The following DYNC2H1 variants were observed in gnomAD, a reference collection of about 807,000 sequenced individuals.
The protein encoded by DYNC2H1 is cytoplasmic dynein 2 heavy chain 1.
Under a neutral mutation model 570.0 loss-of-function variants are expected in DYNC2H1, and 410 were observed. The observed-to-expected ratio is 0.72, with a 90% CI of 0.66 to 0.78. The LOEUF (loss-of-function observed/expected upper bound fraction) is 0.78. DYNC2H1 is among the 30% of genes least tolerant of loss of function. DYNC2H1 has a pLI of 0.00. For missense variants in DYNC2H1, 4,865 were observed against 5,046.4 expected (o/e 0.96, Z 1.09); for synonymous variants, 1,688 against 1,677.6 (o/e 1.01, Z -0.15).
chr11:103,155,789 A>T (rs1468853044), intron 25 of DYNC2H1, among the ~76,000 whole-genome samples: 1 of 152,208 alleles, frequency 6.6e-6, no homozygotes, highest in African/African-American at 2.4e-5. Context: ...AATTTATTAC[A>T]AGTGACAGAC....
Position 103,201,019 on chromosome 11 carries a change from G to T in DYNC2H1, c.8197+865G>T, listed in dbSNP as rs373244889. On this transcript the variant is annotated intron_variant, in intron 50 of 88. Transcript: ENST00000375735. This position sits in a 1 kb window ranked among gnomAD's most constrained non-coding sequence, Gnocchi z 4.8. ...TTTTTGTAATTTTAGTAGAAACAGG[G>T]TTTCACCATGTTGGCCAGGATGGTC... Among the ~76,000 whole-genome samples, 35 of 152,158 alleles carry T rather than the reference G, an allele frequency of 2.3e-4. 1 individual carries two copies. The East Asian group carries it at 6.0e-3, about 26-fold the overall frequency.
In DYNC2H1 at chr11:103,201,027, A is replaced by G. The variant is rs1862698865; in HGVS notation, c.8197+873A>G. Among the ~76,000 whole-genome samples the G allele has an allele frequency of 6.6e-6, 1 of 152,080 alleles. No homozygotes were observed. The highest frequency in any genetic ancestry group is 2.4e-5 in the African/African-American group (1 of 41,408). ...ATTTTAGTAGAAACAGGGTTTCACCATGTTGGCCAGGATGGTCTCGAACTC... is the reference window on the plus strand; with the variant it reads ...ATTTTAGTAGAAACAGGGTTTCACCGTGTTGGCCAGGATGGTCTCGAACTC... On this transcript the variant is annotated intron_variant, in intron 50 of 88. Transcript: ENST00000375735. The surrounding 1 kb of genome is among the most constrained non-coding windows in gnomAD (Gnocchi z 4.8).
At chr11:103,193,331 A>T (rs1014254303) in intron 47 of DYNC2H1, among the ~76,000 whole-genome samples, 4 of 152,162 alleles carry the variant, frequency 2.6e-5, no homozygotes, top group African/African-American at 9.7e-5. Flanking sequence ...TATCTTTCTC[A>T]GTCTGAAAAT....
In DYNC2H1 at chr11:103,122,914, C is replaced by T; in HGVS notation, c.1575C>T (p.Asp525=). The T allele has an allele frequency of 6.2e-7, 1 of 1,612,550 alleles. No homozygotes were observed. The highest frequency in any genetic ancestry group is 8.5e-7 in the Non-Finnish European group (1 of 1,179,212). ...ATCAAAGTGCCAAAGATCTCTTAGA[C>T]CAGCTTAAACTATATGAACAGGAAC... ...CFHQSAKDLL[D]QLKLYEQEQF... The change falls in exon 11 of 89, where the codon GAC becomes GAT. Residue 525 remains aspartate, a synonymous_variant. Transcript: ENST00000375735.
chr11:103,373,310 G>T (rs1430881), intron 83 of DYNC2H1, among the ~76,000 whole-genome samples: 146,904 of 152,210 alleles, frequency 0.97, 71,116 homozygotes, highest in Middle Eastern at 1. Flanking sequence ...TGCTATCAGT[G>T]TGTTGGCATA....
intron 30 of DYNC2H1, among the ~76,000 whole-genome samples, chr11:103,164,127 C>A (rs538397066): frequency 6.6e-6 from 1 of 152,154 alleles, no homozygotes; most frequent in Non-Finnish European, 1.5e-5. Flanking sequence ...TCCTAGTACT[C>A]TGTCAACTTC....
intron 82 of DYNC2H1, among the ~76,000 whole-genome samples, chr11:103,357,388 A>G (rs1370918595): frequency 1.3e-5 from 2 of 152,182 alleles, no homozygotes; most frequent in Non-Finnish European, 2.9e-5. Context: ...CCTTGTATGT[A>G]GAGGAAACAT....
rs544367087 is a variant in DYNC2H1, at chr11:103,221,255, C to G, written c.9107+472C>G. On this transcript the variant is annotated intron_variant, in intron 57 of 88. Transcript: ENST00000375735. ...GGTATTAACAAAATATGAAACCATG[C>G]AGGTTCAGGTTTCATGTTATAATAG... 4.6e-5 allele frequency among the ~76,000 whole-genome samples: 7 copies of G among 152,092 alleles called. No homozygotes were observed. The South Asian group carries it at 1.5e-3, about 32-fold the overall frequency.
In DYNC2H1 at chr11:103,243,288, GATAGATAGATAGATAGATAA is replaced by G. The variant is rs1248626258; in HGVS notation, c.9820-399_9820-380del. On this transcript the variant is annotated intron_variant, in intron 63 of 88. Transcript: ENST00000375735. The surrounding 1 kb of genome is among the most constrained non-coding windows in gnomAD (Gnocchi z 4.8). ...AGATAGATAGATAGATAGATAGATAGATAGATAGATAGATAGATAAATAGAGAATAATTTGACTGTGTATT... is the reference window on the plus strand; with the variant it reads ...AGATAGATAGATAGATAGATAGATAGATAGAGAATAATTTGACTGTGTATT... Among the ~76,000 whole-genome samples the G allele has an allele frequency of 5.8e-3, 818 of 141,744 alleles. 4 individuals are homozygous for G. Among genetic ancestry groups the G allele is most frequent in the Admixed American group, 0.012 (170 of 14,484 alleles). The allele number at this position is 141,744 out of a possible 152,430, so 93.0% of individuals were successfully genotyped here. A position where few individuals can be genotyped will look rare whatever the true frequency, so the allele number is the denominator to read the frequency against.
chr11:103,126,989 A>G (rs1002080742), intron 12 of DYNC2H1, among the ~76,000 whole-genome samples: 6 of 152,334 alleles, frequency 3.9e-5, no homozygotes, highest in African/African-American at 1.2e-4. Context: ...TTAATGTATT[A>G]TAAGTACTAT....
At chr11:103,124,551 A>T (rs1008651370) in intron 11 of DYNC2H1, among the ~76,000 whole-genome samples, 7 of 152,006 alleles carry the variant, frequency 4.6e-5, no homozygotes, top group African/African-American at 1.7e-4. Flanking sequence ...CATTTTTACA[A>T]TCCATTCTGA....
chr11:103,151,414 G>C lies in DYNC2H1; in HGVS notation c.2947-722G>C, dbSNP rs1860530802. Among the ~76,000 whole-genome samples the C allele has an allele frequency of 6.6e-6, 1 of 152,068 alleles. No individual in the cohort carries two copies. The highest frequency in any genetic ancestry group is 1.5e-5 in the Non-Finnish European group (1 of 68,018). ...CAGTTATATTTGAATTTCCTTTGTT[G>C]TCTGTTTTATTATATATGCATACTG... On this transcript the variant is annotated intron_variant, in intron 20 of 88. Transcript: ENST00000375735. The surrounding 1 kb of genome is among the most constrained non-coding windows in gnomAD (Gnocchi z 4.6).
intron 43 of DYNC2H1, 27 bp from the exon 44 acceptor site, chr11:103,188,469 CG>C: frequency 6.8e-7 from 1 of 1,469,636 alleles, no homozygotes; most frequent in East Asian, 2.4e-5. Context: ...AGATAAAAAA[CG>C]TTTAAAATAT....
intron 85 of DYNC2H1, among the ~76,000 whole-genome samples, chr11:103,442,622 C>T (rs927816917): frequency 7.9e-5 from 12 of 152,040 alleles, no homozygotes; most frequent in Admixed American, 2.6e-4. Context: ...ACAAAACATG[C>T]TATTTGTACT....
At chr11:103,136,912 G>A (rs1159079423) in intron 17 of DYNC2H1, among the ~76,000 whole-genome samples, 2 of 151,566 alleles carry the variant, frequency 1.3e-5, no homozygotes, top group South Asian at 2.1e-4. Flanking sequence ...TTTAATGATT[G>A]CCATTCTAAC....
chr11:103,338,166 A>ACCCC (rs60405160), intron 82 of DYNC2H1, among the ~76,000 whole-genome samples: 32,788 of 151,930 alleles, frequency 0.22, 3,624 homozygotes, highest in Admixed American at 0.31. Flanking sequence ...GCACTTATTG[A>ACCCC]AGCTGAGTTG....
chr11:103,169,039 T>C, intron 32 of DYNC2H1, 79 bp downstream of exon 32: 1 of 1,268,786 alleles, frequency 7.9e-7, no homozygotes, highest in Non-Finnish European at 1.1e-6. Flanking sequence ...GTAGAAATAC[T>C]TTTTTATTTA....
chr11:103,283,733 G>C (rs1866235187), intron 73 of DYNC2H1, among the ~76,000 whole-genome samples: 1 of 152,104 alleles, frequency 6.6e-6, no homozygotes, highest in Non-Finnish European at 1.5e-5. Context: ...TGGTCACTTA[G>C]GAAGTAGAGC....
At chr11:103,367,808 C>T (rs1940978844) in intron 83 of DYNC2H1, among the ~76,000 whole-genome samples, 2 of 152,182 alleles carry the variant, frequency 1.3e-5, no homozygotes, top group African/African-American at 4.8e-5. Context: ...GTTCTACTCT[C>T]TGCTCCTATG....
Sources: allele counts gnomAD v4.1 joint callset (sites outside exome capture counted in the v4.1 genomes callset), GRCh38; gene constraint gnomAD v4.1.1; non-coding constraint Gnocchi (gnomAD v3.1); transcripts MANE v1.5; gene names NCBI Gene and HGNC (gene_info 2026-07-23, HGNC 2026-07-21).